The following ERGIC1 variants were observed in gnomAD, a reference collection of about 807,000 sequenced individuals.
The protein encoded by ERGIC1 is endoplasmic reticulum-Golgi intermediate compartment protein 1.
A neutral mutation model predicts 38.3 loss-of-function variants in ERGIC1; 19 were observed. That is an observed-to-expected ratio of 0.50 (90% CI 0.35 to 0.73). ERGIC1 has a LOEUF of 0.73. Ranked by LOEUF, ERGIC1 falls within the 30% of genes least tolerant of loss-of-function variation. ERGIC1 has a pLI of 0.01. For synonymous variants in ERGIC1, 124 were observed against 157.6 expected (o/e 0.79, Z 1.60); for missense variants, 294 against 389.2 (o/e 0.76, Z 2.06).
intron 5 of ERGIC1, among the ~76,000 whole-genome samples, chr5:172,922,816 G>A (rs1174376372): frequency 1.3e-5 from 2 of 152,232 alleles, no homozygotes; most frequent in South Asian, 2.1e-4. Flanking sequence ...GAGATCTGAT[G>A]TAGGGTTTAA....
chr5:172,906,387 G>A (rs1231198707), intron 3 of ERGIC1, among the ~76,000 whole-genome samples: 1 of 152,130 alleles, frequency 6.6e-6, no homozygotes. Context: ...GTTTTAAGAT[G>A]GGGCTCAGGG....
intron 7 of ERGIC1, among the ~76,000 whole-genome samples, chr5:172,930,072 C>T (rs1763741069): frequency 6.6e-6 from 1 of 151,562 alleles, no homozygotes; most frequent in Non-Finnish European, 1.5e-5. Context: ...CCTGTAGTCC[C>T]AGCTACTCAG....
chr5:172,908,192 G>T (rs564646604), intron 3 of ERGIC1, among the ~76,000 whole-genome samples: 1 of 150,578 alleles, frequency 6.6e-6, no homozygotes, highest in African/African-American at 2.4e-5. Context: ...AGAGGATCCT[G>T]GGTTAGCCAG....
At chr5:172,900,915 C>T (rs1261285947) in intron 3 of ERGIC1, among the ~76,000 whole-genome samples, 5 of 152,168 alleles carry the variant, frequency 3.3e-5, no homozygotes, top group Non-Finnish European at 7.3e-5. Context: ...AGGAGTTGCC[C>T]GAAGGGCCTC....
At chr5:172,914,948 C>T in intron 5 of ERGIC1, 110 bp downstream of exon 5, 1 of 1,526,492 alleles carries the variant, frequency 6.6e-7, no homozygotes, top group Non-Finnish European at 9.0e-7. Flanking sequence ...CTGACACAGC[C>T]CCCAGCAAGC....
intron 3 of ERGIC1, among the ~76,000 whole-genome samples, chr5:172,901,946 T>C: frequency 6.6e-6 from 1 of 152,168 alleles, no homozygotes; most frequent in South Asian, 2.1e-4. Flanking sequence ...GCAGAACCCC[T>C]TGAGGCAACT....
intron 3 of ERGIC1, chr5:172,905,615 C>T (rs1397271471): frequency 1.1e-5 from 4 of 348,314 alleles, no homozygotes; most frequent in Admixed American, 3.3e-5. Flanking sequence ...CGATCAGGAG[C>T]GGCAATGGGA....
At chr5:172,891,361 C>T (rs1164659212) in intron 2 of ERGIC1, among the ~76,000 whole-genome samples, 1 of 152,168 alleles carries the variant, frequency 6.6e-6, no homozygotes, top group East Asian at 1.9e-4. Flanking sequence ...CCCTCTTCTC[C>T]ATCTCTGCAG....
In ERGIC1 at chr5:172,915,201, G is replaced by A. The variant is rs950453868; in HGVS notation, c.375+363G>A. ...CATCTTAGGCTGAGGGTGTGATGGCGATAATAGTATCACGATACCACCCAC... is the reference window on the plus strand; with the variant it reads ...CATCTTAGGCTGAGGGTGTGATGGCAATAATAGTATCACGATACCACCCAC... On this transcript the variant is annotated intron_variant, in intron 5 of 9. Transcript: ENST00000393784. 3.3e-5 allele frequency: 20 copies of A among 608,106 alleles called. No individual in the cohort carries two copies. The Middle Eastern group carries it at 1.7e-3, about 50-fold the overall frequency. The allele number at this position is 608,106 out of a possible 1,614,324, so 37.7% of individuals were successfully genotyped here.
intron 9 of ERGIC1, among the ~76,000 whole-genome samples, chr5:172,941,566 A>G (rs1286849412): frequency 3.3e-5 from 5 of 152,198 alleles, no homozygotes; most frequent in Non-Finnish European, 1.5e-5. Flanking sequence ...TCTATCTTCC[A>G]AAACAAGGGC....
At chr5:172,899,410 C>T (rs1295490260) in intron 3 of ERGIC1, among the ~76,000 whole-genome samples, 1 of 140,094 alleles carries the variant, frequency 7.1e-6, no homozygotes, top group Non-Finnish European at 1.5e-5. Context: ...CTCCGCCTCC[C>T]GAGTTCAAGA....
intron 1 of ERGIC1, among the ~76,000 whole-genome samples, chr5:172,856,087 G>C (rs1761542008): frequency 6.6e-6 from 1 of 152,182 alleles, no homozygotes; most frequent in Non-Finnish European, 1.5e-5. Context: ...TGGTCTCTTG[G>C]CAGGAGAGAC....
At chr5:172,843,738 T>A (rs763004816) in intron 1 of ERGIC1, among the ~76,000 whole-genome samples, 3 of 152,234 alleles carry the variant, frequency 2.0e-5, no homozygotes, top group Non-Finnish European at 4.4e-5. Flanking sequence ...CCCTTGGAAC[T>A]GACCCTCACA....
At chr5:172,867,083 G>A (rs1320913828) in intron 1 of ERGIC1, 1 of 439,038 alleles carries the variant, frequency 2.3e-6, no homozygotes, top group African/African-American at 2.0e-5. Flanking sequence ...GCCATGCAGA[G>A]TCTTTGCAGA....
intron 1 of ERGIC1, among the ~76,000 whole-genome samples, chr5:172,845,172 C>G (rs987097019): frequency 3.9e-5 from 6 of 152,150 alleles, no homozygotes; most frequent in Non-Finnish European, 7.4e-5. Context: ...TGTTGTTACC[C>G]TGATTTTCTT....
chr5:172,867,951 G>T (rs1761912006), intron 1 of ERGIC1, among the ~76,000 whole-genome samples: 1 of 152,148 alleles, frequency 6.6e-6, no homozygotes, highest in Admixed American at 6.5e-5. Flanking sequence ...GTAAACTGAG[G>T]CTCCAAGAGA....
At chr5:172,892,060 A>ATTTTTTTT (rs372105420) in intron 2 of ERGIC1, among the ~76,000 whole-genome samples, 5 of 125,530 alleles carry the variant, frequency 4.0e-5, no homozygotes, top group African/African-American at 1.6e-4. Context: ...GTTAAAGAGT[A>ATTTTTTTT]TGTTTTTTTT....
chr5:172,910,709 G>C lies in ERGIC1; in HGVS notation c.250+948G>C, dbSNP rs1000279288. Among the ~76,000 whole-genome samples the C allele has an allele frequency of 2.6e-5, 4 of 151,960 alleles. 1 individual carries two copies. The highest frequency in any genetic ancestry group is 4.4e-5 in the Non-Finnish European group (3 of 67,988). On this transcript the variant is annotated intron_variant, in intron 4 of 9. Transcript: ENST00000393784. ...CAAGCTAATTTTTGTATTTTTAGTA[G>C]AGACGGGGTTTCACCATGTTGGCCA... is the stretch of plus-strand genomic sequence containing the variant.
chr5:172,844,991 A>T (rs1386015956), intron 1 of ERGIC1, among the ~76,000 whole-genome samples: 1 of 152,010 alleles, frequency 6.6e-6, no homozygotes, highest in Admixed American at 6.6e-5. Context: ...TCCTCAAGTC[A>T]GGTAGGAGCC....
Sources: allele counts gnomAD v4.1 joint callset (sites outside exome capture counted in the v4.1 genomes callset), GRCh38; gene constraint gnomAD v4.1.1; transcripts MANE v1.5; gene names NCBI Gene and HGNC (gene_info 2026-07-23, HGNC 2026-07-21).